Variants in GARNL3 observed in about 807,000 individuals in gnomAD.
The protein encoded by GARNL3 is GTPase-activating Rap/Ran-GAP domain-like protein 3.
In GARNL3, 63 loss-of-function variants were observed where a neutral mutation model predicts 125.0. The ratio of observed to expected loss-of-function variants is 0.50; its 90% CI spans 0.41 to 0.62. The LOEUF is 0.62. Ranked by LOEUF, GARNL3 falls within the 20% of genes least tolerant of loss-of-function variation. GARNL3 has a pLI of 0.00. For synonymous variants in GARNL3, 439 were observed against 457.5 expected, an observed-to-expected ratio of 0.96 and a Z score of 0.52; for missense variants, 994 against 1,244.0, an observed-to-expected ratio of 0.80 and a Z score of 3.02.
intron 17 of GARNL3, 91 bp downstream of exon 17, chr9:127,349,126 A>T: frequency 1.2e-6 from 1 of 855,742 alleles, no homozygotes; most frequent in Non-Finnish European, 2.0e-6. Flanking sequence ...CCTTTGGGCC[A>T]TAAATGTGTG....
Position 127,354,390 on chromosome 9 carries a change from A to G in GARNL3, c.1739A>G (p.Asn580Ser), listed in dbSNP as rs1830574983. The change falls in exon 19 of 28, where the codon AAC (asparagine) becomes AGC (serine). Residue 580 changes from asparagine to serine, a missense_variant. This residue lies in a region of GARNL3 where 728 missense variants were observed against 865.7 expected (regional missense o/e 0.84). Coordinates refer to ENST00000373387, the MANE Select transcript of GARNL3 (RefSeq NM_032293.5). ...AGKSRSDCRE[N>S]KLEKTKGCHL... ...AAGAGCAGGTCTGACTGCAGAGAAA[A>G]CAAGTTGGAGAAAACAAAAGGTGAC... 1.9e-6 allele frequency: 3 copies of G among 1,611,332 alleles called. No homozygotes were observed. Among genetic ancestry groups the G allele is most frequent in the Non-Finnish European group, 2.5e-6 (3 of 1,178,098 alleles).
At chr9:127,304,501 A>G (rs2064891276) in intron 2 of GARNL3, among the ~76,000 whole-genome samples, 1 of 150,966 alleles carries the variant, frequency 6.6e-6, no homozygotes. Context: ...ACCAAAAGAC[A>G]GACTCAAAAT....
intron 2 of GARNL3, among the ~76,000 whole-genome samples, chr9:127,253,781 G>T (rs527470148): frequency 1.2e-4 from 18 of 152,170 alleles, no homozygotes; most frequent in Non-Finnish European, 2.1e-4. Context: ...TGGAGATAAA[G>T]GTGTGATGGA....
chr9:127,305,940 C>A (rs1385307999), intron 2 of GARNL3, among the ~76,000 whole-genome samples: 1 of 152,068 alleles, frequency 6.6e-6, no homozygotes, highest in African/African-American at 2.4e-5. Flanking sequence ...CTCATATTGA[C>A]AGTTGGTATT....
Position 127,383,439 on chromosome 9 carries a change from C to T in GARNL3, c.2163C>T (p.Tyr721=), listed in dbSNP as rs751433125. The change falls in exon 23 of 28, where the codon TAC becomes TAT. Residue 721 remains tyrosine, a splice_region_variant and synonymous_variant. Coordinates refer to ENST00000373387, the MANE Select transcript of GARNL3 (RefSeq NM_032293.5). ...GEAGLLLCYN[Y]SCIYKKVCPF... Reference sequence around the variant, plus strand: ...GAGTTGCTGTTGTTTTCATTGCAGACAGTTGCATCTATAAAAAGGTTTGCC... The same window carrying T: ...GAGTTGCTGTTGTTTTCATTGCAGATAGTTGCATCTATAAAAAGGTTTGCC... 3.1e-6 allele frequency: 5 copies of T among 1,597,150 alleles called. No individual in the cohort carries two copies. Among genetic ancestry groups the T allele is most frequent in the Non-Finnish European group, 4.3e-6 (5 of 1,169,236 alleles).
intron 16 of GARNL3, among the ~76,000 whole-genome samples, chr9:127,347,993 T>G (rs1435605359): frequency 1.3e-5 from 2 of 152,214 alleles, no homozygotes; most frequent in African/African-American, 4.8e-5. Flanking sequence ...GCCCTTTGCT[T>G]TACCTTGAGT....
chr9:127,245,196 G>A (rs2131179796), intron 2 of GARNL3: 1 of 152,478 alleles, frequency 6.6e-6, no homozygotes, highest in East Asian at 1.9e-4. Context: ...AGACTGCAAG[G>A]CCCGCAGTGC....
intron 2 of GARNL3, among the ~76,000 whole-genome samples, chr9:127,293,465 C>A (rs1340719348): frequency 1.3e-5 from 2 of 152,028 alleles, no homozygotes; most frequent in African/African-American, 4.8e-5. Flanking sequence ...AAGATTAGAT[C>A]ATGTCTAGTT....
At chr9:127,365,399 C>T in intron 22 of GARNL3, 33 bp downstream of exon 22, 6 of 1,486,524 alleles carry the variant, frequency 4.0e-6, no homozygotes, top group Non-Finnish European at 5.6e-6. Context: ...TCTTTATTTG[C>T]TTAAATGGAC....
In GARNL3 at chr9:127,345,340, A is replaced by G. The variant is rs1830078453; in HGVS notation, c.1357-63A>G. ...TTTATTAAATTTTTGTCAAATCACA[A>G]TTGTTTATCCTGCTGTACTTTTGCC... On this transcript the variant is annotated intron_variant, in intron 15 of 27. Coordinates refer to ENST00000373387, the MANE Select transcript of GARNL3 (RefSeq NM_032293.5). 6.8e-6 allele frequency: 7 copies of G among 1,024,840 alleles called. No homozygotes were observed. The South Asian group carries it at 1.1e-4, about 17-fold the overall frequency. 63.5% of individuals were successfully genotyped at this position (1,024,840 alleles called of 1,614,324 possible). A position where few individuals can be genotyped will look rare whatever the true frequency, so the allele number is the denominator to read the frequency against.
intron 1 of GARNL3, among the ~76,000 whole-genome samples, chr9:127,233,952 T>C (rs1195898500): frequency 6.6e-6 from 1 of 152,256 alleles, no homozygotes; most frequent in Non-Finnish European, 1.5e-5. Context: ...GAACAAATAT[T>C]TTAATGTGAG....
In GARNL3 at chr9:127,393,477, G is replaced by T; in HGVS notation, c.*223G>T. 1 of 352,978 alleles carries T rather than the reference G, an allele frequency of 2.8e-6. No individual in the cohort carries two copies. Among genetic ancestry groups the T allele is most frequent in the South Asian group, 1.2e-4 (1 of 8,202 alleles). 21.9% of individuals were successfully genotyped at this position (352,978 alleles called of 1,614,324 possible). The stretch of plus-strand genomic sequence containing the variant: ...GAACCATCAGTCCCCTTGTAATAAA[G>T]GTGGTAGATTTCATTGAGGTTTTAG... On this transcript the variant is annotated 3_prime_UTR_variant, in exon 28 of 28. Transcript: ENST00000373387.
In GARNL3 at chr9:127,390,752, C is replaced by A; in HGVS notation, c.2855C>A (p.Ser952Ter). The A allele has an allele frequency of 6.2e-7, 1 of 1,613,610 alleles. No individual in the cohort carries two copies. The highest frequency in any genetic ancestry group is 1.1e-5 in the South Asian group (1 of 91,026). Reference sequence around the variant, plus strand: ...GGCCCCAAGCCAGGGGCAGTGAGGTCATCTAGCAGTGACAGGTAAAGAGAG... The same window carrying A: ...GGCCCCAAGCCAGGGGCAGTGAGGTAATCTAGCAGTGACAGGTAAAGAGAG... ...QGGPKPGAVR[S>*]SSSDRIPSGS... The change falls in exon 27 of 28, where the codon TCA becomes TAA. Residue 952 changes from serine to a stop codon, truncating the protein, a stop_gained. Transcript: ENST00000373387. LOFTEE classifies it low-confidence loss of function (END_TRUNC).
chr9:127,315,800 A>G (rs186809339), intron 4 of GARNL3, among the ~76,000 whole-genome samples: 4 of 152,364 alleles, frequency 2.6e-5, no homozygotes, highest in Admixed American at 2.6e-4. Context: ...TTTGAAAATT[A>G]TATCCAAACA....
Position 127,357,121 on chromosome 9 carries a change from G to T in GARNL3, c.1936-98G>T, listed in dbSNP as rs1485288836. ...GGGGCTCTGCAGGAGCCTGGAGAGG[G>T]TGCCTTCTCTGTAAGGAGGGAATGG... On this transcript the variant is annotated intron_variant, in intron 20 of 27. Transcript: ENST00000373387. 15 of 1,228,432 alleles carry T rather than the reference G, an allele frequency of 1.2e-5. No individual in the cohort carries two copies. In the African/African-American group the frequency reaches 1.5e-4, roughly 12 times the overall value. The allele number at this position is 1,228,432 out of a possible 1,614,324, so 76.1% of individuals were successfully genotyped here. A position where few individuals can be genotyped will look rare whatever the true frequency, so the allele number is the denominator to read the frequency against.
intron 1 of GARNL3, among the ~76,000 whole-genome samples, chr9:127,285,971 C>A (rs2064239874): frequency 6.6e-6 from 1 of 151,864 alleles, no homozygotes; most frequent in Non-Finnish European, 1.5e-5. Flanking sequence ...AACATCTGTG[C>A]TGTTCTGTTT....
chr9:127,262,075 A>G (rs906545455), upstream of GARNL3, among the ~76,000 whole-genome samples: 1 of 152,132 alleles, frequency 6.6e-6, no homozygotes. Flanking sequence ...ACCATCTAAT[A>G]TAGATTTCTA....
intron 1 of GARNL3, among the ~76,000 whole-genome samples, chr9:127,230,996 A>G (rs1462523654): frequency 4.9e-5 from 7 of 142,144 alleles, no homozygotes; most frequent in Non-Finnish European, 6.0e-5. Context: ...ATATATGTAT[A>G]TATACACATA....
At chr9:127,304,184 T>G (rs147298138) in intron 2 of GARNL3, among the ~76,000 whole-genome samples, 1 of 152,362 alleles carries the variant, frequency 6.6e-6, no homozygotes, top group East Asian at 1.9e-4. Flanking sequence ...TAAACTCCTA[T>G]AGACAGAGTT....
Sources: allele counts gnomAD v4.1 joint callset (sites outside exome capture counted in the v4.1 genomes callset), GRCh38; gene constraint gnomAD v4.1.1; regional missense constraint gnomAD v4.1.1; transcripts MANE v1.5; gene names NCBI Gene and HGNC (gene_info 2026-07-23, HGNC 2026-07-21).